Variants in ALK observed in about 807,000 individuals in gnomAD.
ALK encodes ALK tyrosine kinase receptor.
In ALK, 74 loss-of-function variants were observed where a neutral mutation model predicts 163.1. The ratio of observed to expected loss-of-function variants is 0.45; its 90% CI spans 0.38 to 0.55. The LOEUF (loss-of-function observed/expected upper bound fraction) is 0.55, where lower values mean the gene tolerates loss of function less well. Ranked by LOEUF, ALK falls within the 20% of genes least tolerant of loss-of-function variation. The probability of loss-of-function intolerance (pLI) is 0.00; values close to 1 mark genes in which losing one functional copy is unlikely to be tolerated. For synonymous variants in ALK, 960 were observed against 843.2 expected, an observed-to-expected ratio of 1.14 and a Z score of -2.40; for missense variants, 2,063 against 2,105.3, an observed-to-expected ratio of 0.98 and a Z score of 0.39.
rs149523813 is a variant in ALK at position 29,836,155 on chromosome 2, A to G, written c.667+83838T>C. Among the ~76,000 whole-genome samples the G allele has an allele frequency of 3.0e-4, 46 of 152,270 alleles. 1 individual carries two copies. The highest frequency in any genetic ancestry group is 1.1e-3 in the African/African-American group (44 of 41,536). On this transcript the variant is annotated intron_variant, in intron 1 of 28. Transcript: ENST00000389048. ...GTTCCCAGGGAGCACTTCTTTTAAT[A>G]AGTCCCTTGTATACTAATTCTCACT...
intron 4 of ALK, among the ~76,000 whole-genome samples, chr2:29,411,428 TA>T (rs56744798): frequency 0.87 from 130,436 of 149,790 alleles, 56,843 homozygotes; most frequent in East Asian, 0.95. Flanking sequence ...TCCTCTCTAT[TA>T]AAAAAAAAAA....
chr2:29,726,463 G>A (rs1338658138), intron 1 of ALK, among the ~76,000 whole-genome samples: 1 of 152,290 alleles, frequency 6.6e-6, no homozygotes, highest in East Asian at 1.9e-4. Context: ...GGAAAACCAA[G>A]TCCATCAACA....
intron 1 of ALK, among the ~76,000 whole-genome samples, chr2:29,820,285 G>A (rs1489532639): frequency 6.6e-6 from 1 of 152,182 alleles, no homozygotes. Context: ...CAGGGAGGAA[G>A]TGAGGACATG....
chr2:29,500,361 T>G (rs957934940), intron 4 of ALK, among the ~76,000 whole-genome samples: 2 of 152,172 alleles, frequency 1.3e-5, no homozygotes, highest in Admixed American at 1.3e-4. Flanking sequence ...CTCCACCGTG[T>G]AAGATGCCTG....
intron 1 of ALK, among the ~76,000 whole-genome samples, chr2:29,770,936 CAT>C (rs771869465): frequency 3.9e-5 from 6 of 151,926 alleles, no homozygotes; most frequent in Admixed American, 6.6e-5. Context: ...GTCACACACA[CAT>C]AGACACACAG....
At chr2:29,402,951 T>C (rs1056805311) in intron 4 of ALK, among the ~76,000 whole-genome samples, 1 of 152,148 alleles carries the variant, frequency 6.6e-6, no homozygotes, top group Non-Finnish European at 1.5e-5. Flanking sequence ...CTAGATTCTG[T>C]AGGTTGTGGC....
intron 3 of ALK, among the ~76,000 whole-genome samples, chr2:29,541,642 A>G (rs988453670): frequency 6.6e-6 from 1 of 152,182 alleles, no homozygotes; most frequent in Non-Finnish European, 1.5e-5. Flanking sequence ...GGAAATAAAA[A>G]TATTTTACCC....
intron 20 of ALK, among the ~76,000 whole-genome samples, chr2:29,223,034 G>T (rs998147383): frequency 1.3e-5 from 2 of 152,136 alleles, no homozygotes; most frequent in Non-Finnish European, 2.9e-5. Flanking sequence ...CTCAGAGGAG[G>T]GGCCCTTTGC....
chr2:29,400,035 A>G (rs1325931830), intron 4 of ALK, among the ~76,000 whole-genome samples: 1 of 152,210 alleles, frequency 6.6e-6, no homozygotes, highest in Non-Finnish European at 1.5e-5. Flanking sequence ...GGCCTCATCC[A>G]TGATGACTTG....
At chr2:29,368,235 T>C (rs1173350340) in intron 5 of ALK, among the ~76,000 whole-genome samples, 1 of 152,182 alleles carries the variant, frequency 6.6e-6, no homozygotes, top group Non-Finnish European at 1.5e-5. Context: ...CCTCATATCA[T>C]ATGGAATGAG....
Position 29,624,391 on chromosome 2 carries a change from T to C in ALK, c.952+70459A>G, listed in dbSNP as rs148593731. Among the ~76,000 whole-genome samples, 30 of 152,282 alleles carry C rather than the reference T, an allele frequency of 2.0e-4. No homozygotes were observed. In the East Asian group the frequency reaches 5.8e-3, roughly 29 times the overall value. On this transcript the variant is annotated intron_variant, in intron 3 of 28. Transcript: ENST00000389048. ...TTCTGTTACAAAGGGAGGTTTCATG[T>C]CTGTATATGAGTGAGAAACCCTCTA...
At chr2:29,878,024 C>T (rs911378832) in intron 1 of ALK, among the ~76,000 whole-genome samples, 3 of 152,202 alleles carry the variant, frequency 2.0e-5, no homozygotes, top group Admixed American at 6.5e-5. Flanking sequence ...ATTATCCCAT[C>T]CACCCCAACT....
chr2:29,736,395 T>A (rs541782134), intron 1 of ALK, among the ~76,000 whole-genome samples: 11 of 152,074 alleles, frequency 7.2e-5, no homozygotes, highest in Non-Finnish European at 1.0e-4. Flanking sequence ...ATTTTTTTTT[T>A]AAATCCAGGG....
rs757959526 is a variant in ALK, at chr2:29,725,154, C to CAA, written c.668-7459_668-7458dup. ...TGGTTACCTTCAGGCTATCCTATAC[C>CAA]AAAAAAAAAAAAAAAAAAAGGAATC... On this transcript the variant is annotated intron_variant, in intron 1 of 28. Coordinates refer to ENST00000389048, the MANE Select transcript of ALK (RefSeq NM_004304.5). Among the ~76,000 whole-genome samples, 6 of 67,374 alleles carry CAA rather than the reference C, an allele frequency of 8.9e-5. 1 individual carries two copies. Among genetic ancestry groups the CAA allele is most frequent in the Admixed American group, 3.5e-4 (2 of 5,680 alleles). 44.2% of individuals were successfully genotyped at this position (67,374 alleles called of 152,430 possible).
chr2:29,582,656 C>T (rs1197494723), intron 3 of ALK, among the ~76,000 whole-genome samples: 5 of 152,192 alleles, frequency 3.3e-5, no homozygotes, highest in African/African-American at 1.2e-4. Context: ...ACAGGATCTT[C>T]CAAAGCCTGG....
At chr2:29,515,776 A>C (rs1672644284) in intron 4 of ALK, among the ~76,000 whole-genome samples, 1 of 152,218 alleles carries the variant, frequency 6.6e-6, no homozygotes, top group African/African-American at 2.4e-5. Flanking sequence ...TAGTTTCAGC[A>C]CGGAAGATGC....
At position 29,233,622 on chromosome 2, in the gene ALK, G is replaced by A. The variant is rs150292405; in HGVS notation, c.2430C>T (p.Ser810=). 1.7e-4 allele frequency: 274 copies of A among 1,614,162 alleles called. 1 individual carries two copies. The African/African-American group carries it at 2.6e-3, about 15-fold the overall frequency. The change falls in exon 14 of 29, where the codon AGC becomes AGT. Residue 810 remains serine (S), a synonymous_variant. Coordinates refer to ENST00000389048, the MANE Select transcript of ALK (RefSeq NM_004304.5). The part of the protein sequence containing the change: ...VIEEEIRVNR[S]VHEWAGGGGG... ...CTCCGCCTCCTGCCCACTCATGCAC[G>A]CTTCTGTTCACACGGATTTCTTCTT...
At chr2:29,350,572 G>T (rs915791968) in intron 5 of ALK, among the ~76,000 whole-genome samples, 1 of 152,194 alleles carries the variant, frequency 6.6e-6, no homozygotes, top group African/African-American at 2.4e-5. Context: ...AGGCTTCTCA[G>T]TGGTGCTGTG....
chr2:29,877,521 G>A (rs1175864201), intron 1 of ALK, among the ~76,000 whole-genome samples: 2 of 152,166 alleles, frequency 1.3e-5, no homozygotes, highest in African/African-American at 4.8e-5. Context: ...TTGGTTCACT[G>A]CTGTATCCCT....
Sources: gnomAD v4.1 joint callset for allele counts (sites outside exome capture counted in the v4.1 genomes callset) on GRCh38, gnomAD v4.1.1 for gene constraint, MANE v1.5 for transcripts, NCBI Gene and HGNC (gene_info 2026-07-23, HGNC 2026-07-21) for gene names.